Variants in NELL1 observed in about 807,000 individuals in gnomAD.
The protein encoded by NELL1 is neural EGFL like 1, also known as protein kinase C-binding protein NELL1.
In NELL1, 76 loss-of-function variants were observed where a neutral mutation model predicts 107.4. That is an observed-to-expected ratio of 0.71 (90% CI 0.59 to 0.86). The LOEUF is 0.86. NELL1 is among the 40% of genes least tolerant of loss of function. The pLI is 0.00. For synonymous variants in NELL1, 353 were observed against 341.2 expected (o/e 1.03, Z -0.38); for missense variants, 1,024 against 1,005.5 (o/e 1.02, Z -0.25).
At chr11:21,487,263 G>A (rs1238251580) in intron 15 of NELL1, among the ~76,000 whole-genome samples, 1 of 152,146 alleles carries the variant, frequency 6.6e-6, no homozygotes, top group African/African-American at 2.4e-5. Flanking sequence ...CAGACTAACT[G>A]GGGATTTCTC....
intron 14 of NELL1, among the ~76,000 whole-genome samples, chr11:21,349,590 C>T (rs1203219359): frequency 6.6e-6 from 1 of 151,582 alleles, no homozygotes; most frequent in Non-Finnish European, 1.5e-5. Flanking sequence ...TTGTGTTTTC[C>T]TAGTAAAATA....
At chr11:21,434,383 G>T (rs1043838128) in intron 15 of NELL1, among the ~76,000 whole-genome samples, 15 of 151,810 alleles carry the variant, frequency 9.9e-5, no homozygotes, top group African/African-American at 3.4e-4. Flanking sequence ...TGAGATATGG[G>T]GCTCTAGTTT....
intron 16 of NELL1, 59 bp from the exon 17 acceptor site, chr11:21,560,127 GGTT>G: frequency 2.0e-6 from 3 of 1,479,130 alleles, no homozygotes; most frequent in Non-Finnish European, 2.8e-6. Flanking sequence ...TGCAAATGAT[GGTT>G]GTTTGTTCTC....
At chr11:20,908,653 C>G (rs1205443026) in intron 5 of NELL1, among the ~76,000 whole-genome samples, 1 of 152,022 alleles carries the variant, frequency 6.6e-6, no homozygotes, top group Non-Finnish European at 1.5e-5. Context: ...GCACATTCTG[C>G]ACATGTATCC....
chr11:20,744,712 T>C (rs1350268250), intron 2 of NELL1, among the ~76,000 whole-genome samples: 2 of 152,204 alleles, frequency 1.3e-5, no homozygotes, highest in South Asian at 4.1e-4. Context: ...TTTGCATATA[T>C]CACATCTATT....
chr11:20,720,188 G>A (rs894145231), intron 2 of NELL1, among the ~76,000 whole-genome samples: 1 of 145,476 alleles, frequency 6.9e-6, no homozygotes, highest in Non-Finnish European at 1.5e-5. Context: ...TTATAAGGTG[G>A]CCAGTTCATT....
At chr11:21,296,950 G>C (rs1038349143) in intron 14 of NELL1, among the ~76,000 whole-genome samples, 2 of 150,944 alleles carry the variant, frequency 1.3e-5, no homozygotes, top group Admixed American at 1.3e-4. Context: ...ATATTATACA[G>C]ATATTTATTT....
At chr11:21,511,800 G>A (rs1308526707) in intron 15 of NELL1, among the ~76,000 whole-genome samples, 1 of 152,098 alleles carries the variant, frequency 6.6e-6, no homozygotes, top group Admixed American at 6.6e-5. Flanking sequence ...GAATGGTATG[G>A]GATGAGAAAA....
intron 14 of NELL1, among the ~76,000 whole-genome samples, chr11:21,324,560 G>A (rs1850085880): frequency 6.6e-6 from 1 of 152,048 alleles, no homozygotes. Flanking sequence ...AAACAGATTA[G>A]TGATTTTTCA....
intron 14 of NELL1, among the ~76,000 whole-genome samples, chr11:21,273,129 C>T (rs1336796263): frequency 6.6e-6 from 1 of 152,062 alleles, no homozygotes; most frequent in African/African-American, 2.4e-5. Flanking sequence ...AGTTCAAACC[C>T]ATGGCAAAGA....
intron 17 of NELL1, among the ~76,000 whole-genome samples, chr11:21,567,063 G>A (rs1034447558): frequency 2.0e-5 from 3 of 151,794 alleles, no homozygotes; most frequent in African/African-American, 7.2e-5. Context: ...AGCCTGTTGT[G>A]CAGCGACCTT....
chr11:21,093,318 C>A (rs1341266778), intron 12 of NELL1, among the ~76,000 whole-genome samples: 2 of 152,180 alleles, frequency 1.3e-5, no homozygotes, highest in Non-Finnish European at 2.9e-5. Flanking sequence ...GCCATTTGGG[C>A]AGAGTCCTAC....
intron 13 of NELL1, among the ~76,000 whole-genome samples, chr11:21,187,048 C>T (rs901317181): frequency 1.1e-4 from 17 of 151,926 alleles, no homozygotes; most frequent in Admixed American, 9.8e-4. Flanking sequence ...GTGTGACTCA[C>T]GTGATTTCAC....
At chr11:21,115,483 G>A (rs946511273) in intron 13 of NELL1, among the ~76,000 whole-genome samples, 1 of 152,026 alleles carries the variant, frequency 6.6e-6, no homozygotes, top group Non-Finnish European at 1.5e-5. Context: ...AAGGTTGGGT[G>A]CTGTGGAGGA....
chr11:21,010,533 G>A (rs944665201), intron 12 of NELL1, among the ~76,000 whole-genome samples: 1 of 152,046 alleles, frequency 6.6e-6, no homozygotes, highest in East Asian at 1.9e-4. Flanking sequence ...TGACCTAACA[G>A]CTGACTGAAG....
intron 12 of NELL1, among the ~76,000 whole-genome samples, chr11:21,087,421 G>A (rs1854421573): frequency 6.6e-6 from 1 of 152,040 alleles, no homozygotes; most frequent in Non-Finnish European, 1.5e-5. Context: ...TACTAGAGTT[G>A]CAAATTATAG....
At chr11:21,561,816 G>T (rs1856856791) in intron 17 of NELL1, among the ~76,000 whole-genome samples, 1 of 152,034 alleles carries the variant, frequency 6.6e-6, no homozygotes, top group South Asian at 2.1e-4. Flanking sequence ...AAGGGGTTTT[G>T]AAGTTATTAA....
At chr11:21,569,795 C>T (rs951162407) in intron 17 of NELL1, among the ~76,000 whole-genome samples, 2 of 151,760 alleles carry the variant, frequency 1.3e-5, no homozygotes, top group Non-Finnish European at 1.5e-5. Flanking sequence ...AGACTGAGAG[C>T]CTCAAGCACT....
At chr11:21,531,132 T>G (rs1210074568) in intron 15 of NELL1, among the ~76,000 whole-genome samples, 1 of 152,150 alleles carries the variant, frequency 6.6e-6, no homozygotes, top group Non-Finnish European at 1.5e-5. Flanking sequence ...TATTGGTGGT[T>G]GTTTGAAACT....
Sources: gnomAD v4.1 joint callset for allele counts (sites outside exome capture counted in the v4.1 genomes callset) on GRCh38, gnomAD v4.1.1 for gene constraint, MANE v1.5 for transcripts, NCBI Gene and HGNC (gene_info 2026-07-23, HGNC 2026-07-21) for gene names.